RIPOR3: variants seen among roughly 807,000 people sequenced by gnomAD.
RIPOR3 encodes the protein family with sequence similarity 65 member C.
RIPOR3 carries 95 observed loss-of-function variants against 114.3 expected under a neutral mutation model. The ratio of observed to expected loss-of-function variants is 0.83; its 90% confidence interval spans 0.70 to 0.99. The LOEUF (loss-of-function observed/expected upper bound fraction) is 0.99, where lower values mean the gene tolerates loss of function less well. Ranked by LOEUF, RIPOR3 falls within the 50% of genes least tolerant of loss-of-function variation. RIPOR3 has a pLI of 0.00. For missense variants in RIPOR3, 1,252 were observed against 1,266.9 expected (o/e 0.99, Z 0.18); for synonymous variants, 575 against 543.8 (o/e 1.06, Z -0.80).
chr20:50,588,041 G>T (rs1285619475), intron 20 of RIPOR3, 149 bp from the exon 21 acceptor site: 2 of 698,524 alleles, frequency 2.9e-6, no homozygotes, highest in Admixed American at 2.9e-5. Flanking sequence ...TTTTTAGGTG[G>T]CCTCAGGTTC....
In RIPOR3 at chr20:50,594,427, C is replaced by T. The variant is rs2083218191; in HGVS notation, c.2212+126G>A. The T allele has an allele frequency of 3.6e-5, 43 of 1,178,318 alleles. No individual in the cohort carries two copies. The Middle Eastern group carries it at 9.7e-4, about 26-fold the overall frequency. The allele number at this position is 1,178,318 out of a possible 1,614,324, so 73.0% of individuals were successfully genotyped here. On this transcript the variant is annotated intron_variant, in intron 17 of 21. Coordinates refer to ENST00000327979, the MANE Select transcript of RIPOR3 (RefSeq NM_001290268.2). The stretch of plus-strand genomic sequence containing the variant: ...CTGAAGCTGAGAAAGCTCCTCCGTC[C>T]GATGGCATGAAGACACAGAGGTGAA...
intron 3 of RIPOR3, among the ~76,000 whole-genome samples, chr20:50,619,073 G>A (rs968529583): frequency 2.5e-4 from 38 of 152,060 alleles, no homozygotes; most frequent in Middle Eastern, 3.2e-3. Flanking sequence ...TTAGCCAGGC[G>A]TGGTGGCAGG....
intron 1 of RIPOR3, among the ~76,000 whole-genome samples, chr20:50,647,470 C>T (rs959106149): frequency 1.3e-5 from 2 of 149,834 alleles, no homozygotes; most frequent in Admixed American, 6.7e-5. Flanking sequence ...TAGCCTTTGC[C>T]TCATTCTCTT....
chr20:50,642,912 G>T (rs1234223182), intron 1 of RIPOR3, among the ~76,000 whole-genome samples: 1 of 152,094 alleles, frequency 6.6e-6, no homozygotes, highest in East Asian at 1.9e-4. Context: ...GCCGGGCGTA[G>T]TGGCACATGC....
rs572200928 is a variant in RIPOR3 at position 50,690,343 on chromosome 20, C to T, written c.3+783G>A. Among the ~76,000 whole-genome samples, 8 of 152,296 alleles carry T rather than the reference C, an allele frequency of 5.3e-5. No homozygotes were observed. The East Asian group carries it at 1.2e-3, about 22-fold the overall frequency. On this transcript the variant is annotated intron_variant, in intron 1 of 21. Transcript: ENST00000327979. Reference sequence around the variant, plus strand: ...CTCTCATGCCCCCAGGAGCCTCCTACGACAAGGCAGCAAATCTAGGAAATT... The same window carrying T: ...CTCTCATGCCCCCAGGAGCCTCCTATGACAAGGCAGCAAATCTAGGAAATT...
At chr20:50,632,626 T>G (rs1180029391) in intron 1 of RIPOR3, among the ~76,000 whole-genome samples, 1 of 152,236 alleles carries the variant, frequency 6.6e-6, no homozygotes, top group Non-Finnish European at 1.5e-5. Flanking sequence ...TGTGTACAGA[T>G]GGGGAAGTTG....
intron 1 of RIPOR3, among the ~76,000 whole-genome samples, chr20:50,633,930 G>C (rs1237713058): frequency 6.6e-6 from 1 of 151,874 alleles, no homozygotes; most frequent in Admixed American, 6.6e-5. Context: ...AGGCGACTCA[G>C]GGACACACAT....
chr20:50,599,923 G>C (rs1373010943), intron 13 of RIPOR3, among the ~76,000 whole-genome samples: 1 of 151,600 alleles, frequency 6.6e-6, no homozygotes. Flanking sequence ...TTTTGAGAGA[G>C]AGAGTCTCGC....
chr20:50,599,108 T>C (rs1259631047), intron 13 of RIPOR3, among the ~76,000 whole-genome samples: 1 of 152,080 alleles, frequency 6.6e-6, no homozygotes, highest in African/African-American at 2.4e-5. Flanking sequence ...ATAGCTATTG[T>C]TGGCTGGGTG....
At chr20:50,619,965 C>G in intron 3 of RIPOR3, 21 bp downstream of exon 3, 1 of 1,603,018 alleles carries the variant, frequency 6.2e-7, no homozygotes, top group Non-Finnish European at 8.5e-7. Context: ...TTCTTAAAGG[C>G]AGCACACAGC....
intron 1 of RIPOR3, among the ~76,000 whole-genome samples, chr20:50,681,286 AC>A (rs2086853941): frequency 6.7e-6 from 1 of 150,328 alleles, no homozygotes; most frequent in Non-Finnish European, 1.5e-5. Flanking sequence ...AAAAAAAAAA[AC>A]ATATAATGAG....
At chr20:50,660,071 G>A (rs1460739935) in intron 1 of RIPOR3, 1 of 152,232 alleles carries the variant, frequency 6.6e-6, no homozygotes, top group Non-Finnish European at 1.5e-5. Context: ...AGATACTTGA[G>A]CTAAAAGGTG....
intron 1 of RIPOR3, among the ~76,000 whole-genome samples, chr20:50,644,089 C>A (rs1384940472): frequency 1.3e-5 from 2 of 151,866 alleles, no homozygotes; most frequent in Non-Finnish European, 2.9e-5. Flanking sequence ...CACTGCACTC[C>A]AGCCTGGGCA....
intron 1 of RIPOR3, among the ~76,000 whole-genome samples, chr20:50,666,374 G>A (rs1051354887): frequency 1.3e-5 from 2 of 150,064 alleles, no homozygotes; most frequent in Admixed American, 1.3e-4. Flanking sequence ...ACAGGTGCCT[G>A]CCACTACACC....
chr20:50,602,356 T>G lies in RIPOR3; in HGVS notation c.1375A>C (p.Met459Leu), dbSNP rs1350354163. ...AACGGGCCTCCAGAGAGGTGGGCCA[T>G]CTCTGGCAGGAGACCTGGGGGCAGG... is the stretch of plus-strand genomic sequence containing the variant. ...DPLPPGLLPE[M>L]AHLSGGPFAE... Residue 459 changes from methionine (M) to leucine (L), a missense_variant, in exon 13 of 22, where the codon ATG becomes CTG. Transcript: ENST00000327979. The surrounding 1 kb of genome is among the most constrained non-coding windows in gnomAD (Gnocchi z 4.3). The G allele has an allele frequency of 6.2e-7, 1 of 1,613,694 alleles. No homozygotes were observed. Among genetic ancestry groups the G allele is most frequent in the Admixed American group, 1.7e-5 (1 of 60,030 alleles).
intron 11 of RIPOR3, 84 bp downstream of exon 11, chr20:50,608,305 G>C (rs1256649641): frequency 8.9e-6 from 14 of 1,581,016 alleles, no homozygotes; most frequent in Non-Finnish European, 1.1e-5. Context: ...AGAGGCTGGT[G>C]CAGGAACCCA....
At position 50,649,031 on chromosome 20, in the gene RIPOR3, C is replaced by A. The variant is rs539657720; in HGVS notation, c.4-18175G>T. Among the ~76,000 whole-genome samples, 18 of 152,300 alleles carry A rather than the reference C, an allele frequency of 1.2e-4. 1 individual carries two copies. The East Asian group carries it at 2.1e-3, about 18-fold the overall frequency. ...CTTCCTAGCTTCTGGTGATGGCTACCAATCCTTGGCATTTCTGGTCTTGTA... is the reference window on the plus strand; with the variant it reads ...CTTCCTAGCTTCTGGTGATGGCTACAAATCCTTGGCATTTCTGGTCTTGTA... On this transcript the variant is annotated intron_variant, in intron 1 of 21. Coordinates refer to ENST00000327979, the MANE Select transcript of RIPOR3 (RefSeq NM_001290268.2).
intron 1 of RIPOR3, chr20:50,646,027 C>A (rs1568918979): frequency 6.6e-6 from 1 of 152,234 alleles, no homozygotes; most frequent in East Asian, 1.9e-4. Context: ...AGCTAAAGCG[C>A]CTCCCTGGGG....
Position 50,608,947 on chromosome 20 carries a change from C to G in RIPOR3, c.649G>C (p.Gly217Arg). 6.3e-7 allele frequency: 1 copy of G among 1,582,570 alleles called. No individual in the cohort carries two copies. Residue 217 changes from glycine to arginine, a missense_variant, in exon 9 of 22, where the codon GGC becomes CGC. By Grantham distance (125) the Gly-to-Arg change is moderately radical (BLOSUM62 -2). Coordinates refer to ENST00000327979, the MANE Select transcript of RIPOR3 (RefSeq NM_001290268.2). ...TCTCCGGGACAGAGGCGTGCGTAGCCCACCAAGCCTGGAACACAGACATGG... is the reference window on the plus strand; with the variant it reads ...TCTCCGGGACAGAGGCGTGCGTAGCGCACCAAGCCTGGAACACAGACATGG... ...EFHIRMKGLV[G>R]YARLCPGDHY...
Sources: gnomAD v4.1 joint callset for allele counts (sites outside exome capture counted in the v4.1 genomes callset) on GRCh38, gnomAD v4.1.1 for gene constraint, Gnocchi (gnomAD v3.1) non-coding constraint, MANE v1.5 for transcripts, NCBI Gene and HGNC (gene_info 2026-07-23, HGNC 2026-07-21) for gene names.